Variants in STAG1 observed in about 807,000 individuals in gnomAD.
STAG1 encodes the protein STAG1 cohesin complex component, also known as cohesin subunit SA-1.
A neutral mutation model predicts 170.9 loss-of-function variants in STAG1; 26 were observed. That is an observed-to-expected ratio of 0.15 (90% CI 0.11 to 0.21). The LOEUF (loss-of-function observed/expected upper bound fraction) is 0.21. Ranked by LOEUF, STAG1 falls within the 10% of genes least tolerant of loss-of-function variation. STAG1 has a pLI of 1.00. For synonymous variants in STAG1, 514 were observed against 497.7 expected, an observed-to-expected ratio of 1.03 and a Z score of -0.44; for missense variants, 964 against 1,509.5, an observed-to-expected ratio of 0.64 and a Z score of 5.99.
intron 6 of STAG1, among the ~76,000 whole-genome samples, 180 bp from the exon 7 acceptor site, chr3:136,521,597 A>G (rs913928605): frequency 6.6e-6 from 1 of 152,174 alleles, no homozygotes; most frequent in Admixed American, 6.5e-5. Context: ...GCCACAACTA[A>G]GTAATTCTTA....
chr3:136,714,983 T>G (rs1343169654), intron 1 of STAG1, among the ~76,000 whole-genome samples: 1 of 110,552 alleles, frequency 9.0e-6, no homozygotes, highest in East Asian at 2.1e-4. Flanking sequence ...TATATTTTTA[T>G]ATATATATTT....
chr3:136,589,510 C>A (rs929233475), intron 4 of STAG1, among the ~76,000 whole-genome samples: 16 of 147,010 alleles, frequency 1.1e-4, no homozygotes, highest in Non-Finnish European at 2.3e-4. Context: ...TCTCAAAAAA[C>A]CAAACAAACA....
intron 1 of STAG1, among the ~76,000 whole-genome samples, chr3:136,686,456 T>C (rs1341837317): frequency 2.0e-5 from 3 of 152,104 alleles, no homozygotes; most frequent in African/African-American, 7.2e-5. Context: ...TCATGGCAGG[T>C]TTGCCTGGAG....
intron 13 of STAG1, among the ~76,000 whole-genome samples, chr3:136,458,709 C>T (rs1009177147): frequency 2.6e-5 from 4 of 151,642 alleles, no homozygotes; most frequent in Admixed American, 6.6e-5. Context: ...ATTAAATTAT[C>T]AAATTGAAAG....
At chr3:136,664,867 C>G (rs1941700927) in intron 1 of STAG1, among the ~76,000 whole-genome samples, 1 of 152,118 alleles carries the variant, frequency 6.6e-6, no homozygotes, top group African/African-American at 2.4e-5. Flanking sequence ...CAACCAAGAA[C>G]CATCAAACCT....
intron 4 of STAG1, among the ~76,000 whole-genome samples, chr3:136,595,675 TCAA>T (rs1938389777): frequency 2.8e-5 from 3 of 105,716 alleles, no homozygotes; most frequent in African/African-American, 1.1e-4. Context: ...AGACTCCATC[TCAA>T]TAAATAAATA....
At chr3:136,440,351 A>T (rs2088595094) in intron 15 of STAG1, among the ~76,000 whole-genome samples, 1 of 151,922 alleles carries the variant, frequency 6.6e-6, no homozygotes, top group South Asian at 2.1e-4. Flanking sequence ...GTTAGCCAGG[A>T]TGGTCTCGAT....
At chr3:136,396,529 T>TTTTTTTTTC (rs2087164117) in intron 22 of STAG1, among the ~76,000 whole-genome samples, 3 of 108,030 alleles carry the variant, frequency 2.8e-5, no homozygotes, top group African/African-American at 1.1e-4. Flanking sequence ...CCTTTTTTTT[T>TTTTTTTTTC]TTTTTTTTTT....
At chr3:136,352,371 G>A (rs1289152655) in intron 28 of STAG1, among the ~76,000 whole-genome samples, 1 of 152,024 alleles carries the variant, frequency 6.6e-6, no homozygotes, top group Non-Finnish European at 1.5e-5. Flanking sequence ...TGTTGCCCAG[G>A]CTGGTCTTGA....
At chr3:136,416,469 A>G (rs951393865) in intron 21 of STAG1, among the ~76,000 whole-genome samples, 2 of 152,246 alleles carry the variant, frequency 1.3e-5, no homozygotes, top group African/African-American at 2.4e-5. Context: ...CACAATAATG[A>G]TGGTATAGTA....
At chr3:136,354,422 C>T (rs1335542714) in intron 28 of STAG1, among the ~76,000 whole-genome samples, 1 of 152,090 alleles carries the variant, frequency 6.6e-6, no homozygotes, top group Admixed American at 6.6e-5. Flanking sequence ...CCACCTTCGC[C>T]TTCCAAGTAG....
At chr3:136,347,732 G>A (rs1418965307) in intron 29 of STAG1, among the ~76,000 whole-genome samples, 1 of 152,130 alleles carries the variant, frequency 6.6e-6, no homozygotes, top group African/African-American at 2.4e-5. Context: ...CAATGATAAC[G>A]TTCAGATAAT....
intron 4 of STAG1, among the ~76,000 whole-genome samples, chr3:136,577,856 TACTA>T (rs1045527581): frequency 1.3e-5 from 2 of 152,166 alleles, no homozygotes; most frequent in African/African-American, 4.8e-5. Context: ...CAGGCGCACT[TACTA>T]GAGATTCCAG....
rs1276823831 is a variant in STAG1 at position 136,477,421 on chromosome 3, AG to A, written c.903-10del. ...TCTCAGCAATAGCATCACTAGAGAG[AG>A]AAAAAAAAGACAATCTCAAATTAAT... On this transcript the variant is annotated splice_polypyrimidine_tract_variant and intron_variant, in intron 9 of 33. Coordinates refer to ENST00000383202, the MANE Select transcript of STAG1 (RefSeq NM_005862.3). The A allele has an allele frequency of 1.9e-6, 3 of 1,589,642 alleles. No homozygotes were observed. The African/African-American group carries it at 4.1e-5, about 22-fold the overall frequency.
chr3:136,590,714 G>A (rs1938121519), intron 4 of STAG1, among the ~76,000 whole-genome samples: 1 of 152,016 alleles, frequency 6.6e-6, no homozygotes, highest in Non-Finnish European at 1.5e-5. Context: ...GGAGTATAAA[G>A]GTAATTCAGC....
At chr3:136,619,705 C>G (rs1234167655) in intron 3 of STAG1, among the ~76,000 whole-genome samples, 2 of 124,894 alleles carry the variant, frequency 1.6e-5, no homozygotes, top group African/African-American at 6.2e-5. Flanking sequence ...TGCAGTGAGC[C>G]AAGATCGTGC....
chr3:136,393,912 C>G (rs1375136681), intron 22 of STAG1, among the ~76,000 whole-genome samples: 2 of 151,448 alleles, frequency 1.3e-5, no homozygotes, highest in African/African-American at 4.8e-5. Context: ...ATGGATTTTT[C>G]TTTTTTTTGA....
Position 136,422,474 on chromosome 3 carries a change from C to T in STAG1, c.1973G>A (p.Arg658Gln), listed in dbSNP as rs1052064006. The change falls in exon 19 of 34, where the codon CGA (arginine) becomes CAA (glutamine). Residue 658 changes from arginine to glutamine, a missense_variant. Physicochemically the swap from Arg to Gln is conservative, Grantham distance 43. Transcript: ENST00000383202. ...TACAAACTCATCAATCAGCTGGCTT[C>T]GAGCTATGTCAACTCTGTTCTGGAT... is the stretch of plus-strand genomic sequence containing the variant. Reference protein sequence around the residue: ...YTIQNRVDIARSQLIDEFVDR... With the variant: ...YTIQNRVDIAQSQLIDEFVDR... 8 of 1,613,888 alleles carry T rather than the reference C, an allele frequency of 5.0e-6. No homozygotes were observed. Among genetic ancestry groups the T allele is most frequent in the Admixed American group, 3.3e-5 (2 of 59,992 alleles).
chr3:136,747,234 C>G (rs541797019), intron 1 of STAG1, among the ~76,000 whole-genome samples: 23 of 150,226 alleles, frequency 1.5e-4, no homozygotes, highest in Non-Finnish European at 3.4e-4. Flanking sequence ...GATCATGCCA[C>G]TGCACTCCAG....
Sources: allele counts gnomAD v4.1 joint callset (sites outside exome capture counted in the v4.1 genomes callset), GRCh38; gene constraint gnomAD v4.1.1; transcripts MANE v1.5; gene names NCBI Gene and HGNC (gene_info 2026-07-23, HGNC 2026-07-21).